The following MLLT10 variants were observed in gnomAD, a reference collection of about 807,000 sequenced individuals.
MLLT10 encodes the protein protein AF-10.
In MLLT10, 30 loss-of-function variants were observed where a neutral mutation model predicts 129.1. The ratio of observed to expected loss-of-function variants is 0.23; its 90% CI spans 0.17 to 0.32. The LOEUF (loss-of-function observed/expected upper bound fraction) is 0.32. MLLT10 is among the 10% of genes least tolerant of loss of function. MLLT10 has a pLI of 1.00. For synonymous variants in MLLT10, 490 were observed against 446.4 expected (o/e 1.10, Z -1.23); for missense variants, 1,119 against 1,268.3 (o/e 0.88, Z 1.79).
rs910562497 is a variant in MLLT10 at position 21,641,920 on chromosome 10, A to G, written c.700-9753A>G. ...ATTCAGCTGTGGCAGAGCATTGTTG[A>G]CTTTCATGTGATTTTTTTGGCTTTT... On this transcript the variant is annotated intron_variant, in intron 8 of 22. Transcript: ENST00000307729. Among the ~76,000 whole-genome samples the G allele has an allele frequency of 2.6e-5, 4 of 152,298 alleles. No homozygotes were observed. In the South Asian group the frequency reaches 8.3e-4, roughly 32 times the overall value.
intron 8 of MLLT10, among the ~76,000 whole-genome samples, chr10:21,647,810 G>T (rs1289565481): frequency 6.6e-6 from 1 of 151,530 alleles, no homozygotes; most frequent in Non-Finnish European, 1.5e-5. Flanking sequence ...CGTCTTCCCA[G>T]TTTGGTTTTT....
chr10:21,537,452 A>G (rs919498463), intron 2 of MLLT10, among the ~76,000 whole-genome samples: 3 of 150,490 alleles, frequency 2.0e-5, no homozygotes, highest in Non-Finnish European at 3.0e-5. Flanking sequence ...CACTACCACC[A>G]CACCTGGCTA....
At chr10:21,654,185 G>A (rs2131330036) in intron 9 of MLLT10, among the ~76,000 whole-genome samples, 1 of 152,306 alleles carries the variant, frequency 6.6e-6, no homozygotes, top group East Asian at 1.9e-4. Flanking sequence ...TTTATAGAGA[G>A]AATGGGGGAG....
chr10:21,591,460 G>A (rs541178014), intron 4 of MLLT10, among the ~76,000 whole-genome samples: 7 of 152,138 alleles, frequency 4.6e-5, no homozygotes, highest in African/African-American at 1.2e-4. Context: ...CTGTTTGTTC[G>A]TAACATTGAT....
chr10:21,625,938 C>T (rs2131248770), intron 8 of MLLT10: 1 of 801,062 alleles, frequency 1.2e-6, no homozygotes, highest in East Asian at 2.4e-5. Context: ...ATTTTACCTA[C>T]AAACACCTCT....
intron 13 of MLLT10, among the ~76,000 whole-genome samples, chr10:21,687,914 C>G (rs1042034217): frequency 2.0e-5 from 3 of 152,122 alleles, no homozygotes; most frequent in Non-Finnish European, 4.4e-5. Flanking sequence ...AAGAATTTGA[C>G]TAATTTAACA....
chr10:21,640,549 C>T (rs1045922310), intron 8 of MLLT10, among the ~76,000 whole-genome samples: 2 of 151,886 alleles, frequency 1.3e-5, no homozygotes, highest in Admixed American at 6.6e-5. Flanking sequence ...TCCCATAGGG[C>T]ACTGCAAAGA....
chr10:21,639,721 C>A (rs772860524), intron 8 of MLLT10, among the ~76,000 whole-genome samples: 2 of 152,088 alleles, frequency 1.3e-5, no homozygotes, highest in East Asian at 1.9e-4. Context: ...TATGTTCACA[C>A]GCTTCTTGGC....
At chr10:21,626,917 G>A (rs559701512) in intron 8 of MLLT10, among the ~76,000 whole-genome samples, 1 of 152,276 alleles carries the variant, frequency 6.6e-6, no homozygotes, top group Non-Finnish European at 1.5e-5. Context: ...GGTGTGTTGG[G>A]TGAGACTGAA....
intron 3 of MLLT10, among the ~76,000 whole-genome samples, chr10:21,548,411 C>T (rs1425666911): frequency 1.3e-5 from 2 of 150,972 alleles, no homozygotes; most frequent in Non-Finnish European, 2.9e-5. Context: ...CCTCTGTTGC[C>T]CAGGCTGGAG....
At chr10:21,733,204 G>A in intron 18 of MLLT10, 117 bp downstream of exon 18, 1 of 1,077,884 alleles carries the variant, frequency 9.3e-7, no homozygotes, top group African/African-American at 1.6e-5. Context: ...AGGAACTATA[G>A]GTTGTTTTTG....
Position 21,713,970 on chromosome 10 carries a change from T to C in MLLT10, c.1878+20T>C, listed in dbSNP as rs1189631046. Reference sequence around the variant, plus strand: ...ACTCAGGTAAGTTGTTACACTATCATGTGACAGGTAATAGGTGGGTTTCTC... The same window carrying C: ...ACTCAGGTAAGTTGTTACACTATCACGTGACAGGTAATAGGTGGGTTTCTC... On this transcript the variant is annotated intron_variant, in intron 14 of 22. Coordinates refer to ENST00000307729, the MANE Select transcript of MLLT10 (RefSeq NM_001195626.3). The C allele has an allele frequency of 4.4e-6, 7 of 1,590,616 alleles. No individual in the cohort carries two copies. The highest frequency in any genetic ancestry group is 1.2e-5 in the South Asian group (1 of 86,884).
At chr10:21,583,743 C>T (rs938270625) in intron 3 of MLLT10, among the ~76,000 whole-genome samples, 6 of 152,198 alleles carry the variant, frequency 3.9e-5, no homozygotes, top group South Asian at 2.1e-4. Flanking sequence ...AGGGAAAACA[C>T]CAAGACATTC....
intron 3 of MLLT10, among the ~76,000 whole-genome samples, chr10:21,564,195 C>T (rs930100634): frequency 2.6e-5 from 4 of 152,050 alleles, no homozygotes; most frequent in Admixed American, 6.6e-5. Flanking sequence ...GGCTTATTGC[C>T]GCCTTAACCC....
chr10:21,642,550 G>A (rs551418232), intron 8 of MLLT10, among the ~76,000 whole-genome samples: 14 of 151,760 alleles, frequency 9.2e-5, no homozygotes, highest in African/African-American at 3.1e-4. Flanking sequence ...CCAGGTACTC[G>A]GGAGGATGAG....
At position 21,614,814 on chromosome 10, in the gene MLLT10, T is replaced by C. The variant is rs978161588; in HGVS notation, c.510-17T>C. On this transcript the variant is annotated splice_polypyrimidine_tract_variant and intron_variant, in intron 6 of 22. Coordinates refer to ENST00000307729, the MANE Select transcript of MLLT10 (RefSeq NM_001195626.3). ...GATTTTAGTATATCAATAAATATAC[T>C]TGGCTTTTATTTTCAGCGCTCAGTT... is the stretch of plus-strand genomic sequence containing the variant. 1 of 1,602,728 alleles carries C rather than the reference T, an allele frequency of 6.2e-7. No homozygotes were observed. Among genetic ancestry groups the C allele is most frequent in the South Asian group, 1.1e-5 (1 of 88,858 alleles).
At chr10:21,537,157 G>T (rs1431888176) in intron 2 of MLLT10, among the ~76,000 whole-genome samples, 15 of 152,152 alleles carry the variant, frequency 9.9e-5, no homozygotes, top group Non-Finnish European at 1.5e-5. Context: ...TTACAGGCAT[G>T]AGCTGCCTTG....
chr10:21,587,422 T>TCAAAAAAAAAA (rs2042091846), intron 4 of MLLT10, among the ~76,000 whole-genome samples: 1 of 67,254 alleles, frequency 1.5e-5, no homozygotes, highest in Non-Finnish European at 2.8e-5. Context: ...AGACCCTGCC[T>TCAAAAAAAAAA]CAAAAAAAAA....
intron 8 of MLLT10, among the ~76,000 whole-genome samples, chr10:21,648,450 G>C (rs551653672): frequency 6.6e-6 from 1 of 152,192 alleles, no homozygotes; most frequent in East Asian, 1.9e-4. Context: ...CAAGTTGTTA[G>C]GGTTTGTTTG....
Sources: allele counts gnomAD v4.1 joint callset (sites outside exome capture counted in the v4.1 genomes callset), GRCh38; gene constraint gnomAD v4.1.1; transcripts MANE v1.5; gene names NCBI Gene and HGNC (gene_info 2026-07-23, HGNC 2026-07-21).